The following NCALD variants were observed in gnomAD, a reference collection of about 807,000 sequenced individuals.
NCALD encodes neurocalcin delta.
A neutral mutation model predicts 18.6 loss-of-function variants in NCALD; 10 were observed. That is an observed-to-expected ratio of 0.54 (90% confidence interval 0.33 to 0.91). NCALD has a LOEUF of 0.91. Ranked by LOEUF, NCALD falls within the 40% of genes least tolerant of loss-of-function variation. The pLI is 0.03. For missense variants in NCALD, 184 were observed against 247.6 expected, an observed-to-expected ratio of 0.74 and a Z score of 1.72; for synonymous variants, 88 against 87.4, an observed-to-expected ratio of 1.01 and a Z score of -0.04.
intron 2 of NCALD, among the ~76,000 whole-genome samples, chr8:102,013,836 G>T (rs550073772): frequency 9.9e-5 from 15 of 152,138 alleles, no homozygotes; most frequent in Non-Finnish European, 1.3e-4. Context: ...AAAGGAAAGA[G>T]AACAGCTTAA....
At chr8:101,978,592 T>C (rs74639993) in intron 2 of NCALD, among the ~76,000 whole-genome samples, 1,590 of 152,304 alleles carry the variant, frequency 0.01, 69 homozygotes, top group East Asian at 0.095. Context: ...ACCATGATGA[T>C]ATTTGTCAAA....
At chr8:101,955,258 C>T (rs189007397) in intron 2 of NCALD, among the ~76,000 whole-genome samples, 8 of 152,260 alleles carry the variant, frequency 5.3e-5, no homozygotes, top group Admixed American at 4.6e-4. Flanking sequence ...GGGGGGAGGA[C>T]GTTGGCCCTA....
intron 4 of NCALD, among the ~76,000 whole-genome samples, chr8:101,858,700 G>A (rs1244536204): frequency 1.3e-5 from 2 of 152,178 alleles, no homozygotes; most frequent in East Asian, 3.9e-4. Context: ...CTACAGTACA[G>A]ATATTTATGG....
At chr8:101,839,197 G>A (rs946199757) in intron 4 of NCALD, among the ~76,000 whole-genome samples, 2 of 152,054 alleles carry the variant, frequency 1.3e-5, no homozygotes, top group African/African-American at 4.8e-5. Flanking sequence ...TTCCACACCC[G>A]ACCTGTGATG....
chr8:101,766,863 G>A (rs977897626), intron 1 of NCALD, among the ~76,000 whole-genome samples: 2 of 152,216 alleles, frequency 1.3e-5, no homozygotes, highest in Non-Finnish European at 2.9e-5. Context: ...ACAAGCGTAA[G>A]TCACTGCGCC....
chr8:101,829,368 A>G (rs1379568878), intron 4 of NCALD, among the ~76,000 whole-genome samples: 2 of 152,212 alleles, frequency 1.3e-5, no homozygotes, highest in Non-Finnish European at 2.9e-5. Context: ...TTTCATGATC[A>G]CTACCCATCT....
At chr8:101,696,256 T>C (rs1050420008) in intron 2 of NCALD, among the ~76,000 whole-genome samples, 18 of 152,346 alleles carry the variant, frequency 1.2e-4, no homozygotes, top group African/African-American at 4.3e-4. Flanking sequence ...GGTATTGACA[T>C]TGACCTAATC....
At chr8:102,117,873 A>G (rs1825837752) in intron 1 of NCALD, among the ~76,000 whole-genome samples, 1 of 152,220 alleles carries the variant, frequency 6.6e-6, no homozygotes, top group South Asian at 2.1e-4. Context: ...CAGGTTGGGG[A>G]AAACGTAACC....
chr8:102,038,500 C>T (rs1392316157), intron 1 of NCALD, among the ~76,000 whole-genome samples: 1 of 152,144 alleles, frequency 6.6e-6, no homozygotes, highest in Admixed American at 6.5e-5. Context: ...AGTGCTTTGG[C>T]AATTTACACC....
chr8:101,739,259 A>G (rs546826197), intron 1 of NCALD, among the ~76,000 whole-genome samples: 1 of 151,644 alleles, frequency 6.6e-6, no homozygotes, highest in African/African-American at 2.4e-5. Flanking sequence ...TCCCCTTCTC[A>G]GTAGTGTCCT....
At chr8:101,771,051 C>T (rs1811564698) in intron 1 of NCALD, among the ~76,000 whole-genome samples, 1 of 152,110 alleles carries the variant, frequency 6.6e-6, no homozygotes, top group African/African-American at 2.4e-5. Flanking sequence ...GTTCCAATTC[C>T]CCACCCCTAT....
chr8:101,777,334 A>C (rs777599590), intron 1 of NCALD, among the ~76,000 whole-genome samples: 1 of 152,218 alleles, frequency 6.6e-6, no homozygotes, highest in Non-Finnish European at 1.5e-5. Context: ...CTTAATGGAG[A>C]AGACAGACAG....
intron 1 of NCALD, among the ~76,000 whole-genome samples, chr8:102,023,052 A>G (rs1822331322): frequency 6.6e-6 from 1 of 152,182 alleles, no homozygotes; most frequent in African/African-American, 2.4e-5. Flanking sequence ...TCCTAGAGCC[A>G]AGGTATGAGA....
chr8:101,712,587 C>CAAAA (rs201729096), intron 2 of NCALD, among the ~76,000 whole-genome samples: 23 of 78,894 alleles, frequency 2.9e-4, no homozygotes, highest in South Asian at 4.1e-4. Context: ...AAATGGAAAG[C>CAAAA]AAAAAAAAAA....
At chr8:102,065,234 C>T (rs1265113140) in intron 1 of NCALD, among the ~76,000 whole-genome samples, 3 of 151,152 alleles carry the variant, frequency 2.0e-5, no homozygotes, top group African/African-American at 7.3e-5. Context: ...TTACTTGGTC[C>T]TGATGTGAAT....
chr8:101,884,612 T>A (rs1272398368), intron 4 of NCALD, among the ~76,000 whole-genome samples: 3 of 152,214 alleles, frequency 2.0e-5, no homozygotes. Context: ...CATTCTCCTA[T>A]GTCTGTATGA....
At chr8:101,979,845 C>G (rs905412451) in intron 2 of NCALD, among the ~76,000 whole-genome samples, 2 of 152,166 alleles carry the variant, frequency 1.3e-5, no homozygotes, top group African/African-American at 4.8e-5. Flanking sequence ...GGCAACTAAC[C>G]GACTTTCCCA....
chr8:101,794,396 T>C (rs1192121721), upstream of NCALD, among the ~76,000 whole-genome samples: 1 of 151,828 alleles, frequency 6.6e-6, no homozygotes, highest in African/African-American at 2.4e-5. Flanking sequence ...GAAGAGAGCC[T>C]CTCTCCAACC....
intron 1 of NCALD, among the ~76,000 whole-genome samples, chr8:101,772,248 T>A (rs1221645761): frequency 3.9e-5 from 6 of 152,238 alleles, no homozygotes; most frequent in Non-Finnish European, 8.8e-5. Context: ...TGAAAAGTCT[T>A]CCAATTAAGA....
Sources: allele counts gnomAD v4.1 joint callset (sites outside exome capture counted in the v4.1 genomes callset), GRCh38; gene constraint gnomAD v4.1.1; transcripts MANE v1.5; gene names NCBI Gene and HGNC (gene_info 2026-07-23, HGNC 2026-07-21).